Variants in ELP4 observed in about 807,000 individuals in gnomAD.
The protein encoded by ELP4 is elongator acetyltransferase complex subunit 4, also known as elongator complex protein 4.
ELP4 carries 51 observed loss-of-function variants against 48.9 expected under a neutral mutation model. That is an observed-to-expected ratio of 1.04 (90% CI 0.83 to 1.32). ELP4 has a LOEUF of 1.32. ELP4 is among the 40% of genes most tolerant of loss of function. ELP4 has a pLI of 0.00. For missense variants in ELP4, 519 were observed against 514.6 expected (o/e 1.01, Z -0.08); for synonymous variants, 210 against 189.2 (o/e 1.11, Z -0.90).
At chr11:31,539,158 A>G (rs1007963518) in intron 2 of ELP4, among the ~76,000 whole-genome samples, 2 of 152,166 alleles carry the variant, frequency 1.3e-5, no homozygotes, top group African/African-American at 4.8e-5. Context: ...TGGAACCAGA[A>G]AGTCTATTAA....
At chr11:31,528,219 G>C (rs1289220967) in intron 2 of ELP4, among the ~76,000 whole-genome samples, 1 of 152,040 alleles carries the variant, frequency 6.6e-6, no homozygotes, top group Non-Finnish European at 1.5e-5. Flanking sequence ...TTAATAGACT[G>C]TAAACTCTAT....
intron 9 of ELP4, among the ~76,000 whole-genome samples, chr11:31,754,983 C>T (rs1192868701): frequency 1.3e-5 from 2 of 152,066 alleles, no homozygotes; most frequent in Non-Finnish European, 2.9e-5. Flanking sequence ...ACCAGGGCTT[C>T]AGGAAGAAGT....
chr11:31,547,718 A>G (rs1956757957), intron 3 of ELP4, among the ~76,000 whole-genome samples: 1 of 152,222 alleles, frequency 6.6e-6, no homozygotes. Flanking sequence ...CTTGTTGAAC[A>G]TTCATGCAAA....
intron 9 of ELP4, among the ~76,000 whole-genome samples, chr11:31,768,446 C>T (rs1175429213): frequency 4.6e-5 from 7 of 152,130 alleles, no homozygotes; most frequent in Non-Finnish European, 8.8e-5. Context: ...GAGAAAGCCT[C>T]ATTTCATTTT....
rs1948685090 is a variant in ELP4 at position 31,786,972 on chromosome 11, A to G, written c.*3448A>G. The G allele has an allele frequency of 4.6e-6, 1 of 219,050 alleles. No homozygotes were observed. The highest frequency in any genetic ancestry group is 5.8e-5 in the Admixed American group (1 of 17,288). The allele number at this position is 219,050 out of a possible 1,614,324, so 13.6% of individuals were successfully genotyped here. A position where few individuals can be genotyped will look rare whatever the true frequency, so the allele number is the denominator to read the frequency against. ...CTCCATCCTGGAAGATGGTGTCAAA[A>G]CATCCCTGCAGATACCCCATTGATA... On this transcript the variant is annotated 3_prime_UTR_variant, in exon 10 of 10. Transcript: ENST00000640961.
At chr11:31,700,293 G>A (rs1284063221) in intron 9 of ELP4, among the ~76,000 whole-genome samples, 1 of 151,880 alleles carries the variant, frequency 6.6e-6, no homozygotes, top group South Asian at 2.1e-4. Context: ...AGGGATATGG[G>A]AATTCTTTGT....
Position 31,658,262 on chromosome 11 carries a change from C to A in ELP4, c.1143+8041C>A, listed in dbSNP as rs1012206932. Among the ~76,000 whole-genome samples the A allele has an allele frequency of 1.1e-4, 16 of 151,722 alleles. No individual in the cohort carries two copies. In the Admixed American group the frequency reaches 1.1e-3, roughly 10 times the overall value. On this transcript the variant is annotated intron_variant, in intron 9 of 9. Coordinates refer to ENST00000640961, the MANE Select transcript of ELP4 (RefSeq NM_019040.5). ...ATATGTAACATTCATATTAAAAATTCTTCTGTTCCCCAGCATGCATTTCTA... is the reference window on the plus strand; with the variant it reads ...ATATGTAACATTCATATTAAAAATTATTCTGTTCCCCAGCATGCATTTCTA...
At chr11:31,631,665 G>A (rs11031434) in intron 6 of ELP4, among the ~76,000 whole-genome samples, 55,351 of 151,964 alleles carry the variant, frequency 0.36, 12,114 homozygotes, top group East Asian at 0.63. Flanking sequence ...TAAATTTTAC[G>A]AAGAGTGTTG....
At chr11:31,640,419 G>A (rs1179109929) in intron 7 of ELP4, among the ~76,000 whole-genome samples, 2 of 151,850 alleles carry the variant, frequency 1.3e-5, no homozygotes, top group South Asian at 2.1e-4. Context: ...ATTTTTTAAT[G>A]TTGAGACCAA....
rs1394446187 is a variant in ELP4 at position 31,786,016 on chromosome 11, T to C, written c.*2492T>C. The C allele has an allele frequency of 4.9e-6, 1 of 202,820 alleles. No individual in the cohort carries two copies. The highest frequency in any genetic ancestry group is 1.0e-5 in the Non-Finnish European group (1 of 98,654). 12.6% of individuals were successfully genotyped at this position (202,820 alleles called of 1,614,324 possible). A position where few individuals can be genotyped will look rare whatever the true frequency, so the allele number is the denominator to read the frequency against. On this transcript the variant is annotated 3_prime_UTR_variant, in exon 10 of 10. Coordinates refer to ENST00000640961, the MANE Select transcript of ELP4 (RefSeq NM_019040.5). ...AGATTTGCCTTTCTTTAACATGAGATAAATATTTTGACTACTGCAGTTTGC... is the reference window on the plus strand; with the variant it reads ...AGATTTGCCTTTCTTTAACATGAGACAAATATTTTGACTACTGCAGTTTGC...
chr11:31,530,839 T>G (rs1956385257), intron 2 of ELP4, among the ~76,000 whole-genome samples: 1 of 152,202 alleles, frequency 6.6e-6, no homozygotes, highest in Admixed American at 6.6e-5. Context: ...TGCTTTAGTT[T>G]GTGTAAGTCC....
chr11:31,634,255 A>G (rs1025438517), intron 7 of ELP4: 3 of 152,044 alleles, frequency 2.0e-5, no homozygotes, highest in African/African-American at 4.8e-5. Context: ...ATTATTCCAT[A>G]TTTATTAAGA....
At chr11:31,666,227 T>G (rs1216436940) in intron 9 of ELP4, among the ~76,000 whole-genome samples, 2 of 151,902 alleles carry the variant, frequency 1.3e-5, no homozygotes, top group Admixed American at 1.3e-4. Context: ...CAGGCTGGCC[T>G]TAAACTCCTG....
chr11:31,784,126 T>C lies in ELP4; in HGVS notation c.*602T>C, dbSNP rs1948437535. On this transcript the variant is annotated 3_prime_UTR_variant, in exon 10 of 10. Transcript: ENST00000640961. ...TGATAGGAAACATAGAAAAAAGAAG[T>C]GGATGGTCTTTAGTTTAGTAATCCT... 1 of 152,082 alleles carries C rather than the reference T, an allele frequency of 6.6e-6. No individual in the cohort carries two copies. The highest frequency in any genetic ancestry group is 6.5e-5 in the Admixed American group (1 of 15,278). The allele number at this position is 152,082 out of a possible 1,614,324, so 9.4% of individuals were successfully genotyped here. A position where few individuals can be genotyped will look rare whatever the true frequency, so the allele number is the denominator to read the frequency against.
At chr11:31,777,261 C>T (rs1356311225) in intron 9 of ELP4, among the ~76,000 whole-genome samples, 4 of 151,998 alleles carry the variant, frequency 2.6e-5, no homozygotes, top group African/African-American at 9.7e-5. Context: ...TCTGTCTCCT[C>T]CCCTCCATCC....
intron 9 of ELP4, among the ~76,000 whole-genome samples, chr11:31,749,062 G>A (rs539800690): frequency 2.6e-5 from 4 of 152,264 alleles, no homozygotes; most frequent in African/African-American, 9.6e-5. Context: ...AAACAGTATA[G>A]AATCTGGCCT....
At chr11:31,641,341 A>AT (rs1465650157) in intron 7 of ELP4, among the ~76,000 whole-genome samples, 1 of 151,628 alleles carries the variant, frequency 6.6e-6, no homozygotes, top group Non-Finnish European at 1.5e-5. Flanking sequence ...TAGCCCAAGA[A>AT]TTTTTTTTCT....
At position 31,790,144 on chromosome 11, in the gene ELP4, C is replaced by T; in HGVS notation, c.*6620C>T. 1 of 692,802 alleles carries T rather than the reference C, an allele frequency of 1.4e-6. No individual in the cohort carries two copies. The highest frequency in any genetic ancestry group is 2.4e-6 in the Non-Finnish European group (1 of 412,842). 42.9% of individuals were successfully genotyped at this position (692,802 alleles called of 1,614,324 possible). A position where few individuals can be genotyped will look rare whatever the true frequency, so the allele number is the denominator to read the frequency against. On this transcript the variant is annotated 3_prime_UTR_variant, in exon 10 of 10. Coordinates refer to ENST00000640961, the MANE Select transcript of ELP4 (RefSeq NM_019040.5). ...AACTAATACTTTCTAACATTTTTTA[C>T]TGTATTAAAATCACTTCAATTGTTA...
intron 5 of ELP4, among the ~76,000 whole-genome samples, chr11:31,618,384 G>A (rs773756172): frequency 2.0e-5 from 3 of 152,180 alleles, no homozygotes; most frequent in South Asian, 4.2e-4. Flanking sequence ...CTTCCAACAC[G>A]GTAGTTTGAA....
Sources: allele counts gnomAD v4.1 joint callset (sites outside exome capture counted in the v4.1 genomes callset), GRCh38; gene constraint gnomAD v4.1.1; transcripts MANE v1.5; gene names NCBI Gene and HGNC (gene_info 2026-07-23, HGNC 2026-07-21).